Variants in PRKG1 observed in about 807,000 individuals in gnomAD.
The protein encoded by PRKG1 is protein kinase cGMP-dependent 1.
PRKG1 carries 35 observed loss-of-function variants against 88.1 expected under a neutral mutation model. The ratio of observed to expected loss-of-function variants is 0.40; its 90% confidence interval spans 0.30 to 0.53. The LOEUF is 0.53. Among genes scored for constraint, PRKG1 ranks in the 20% least tolerant of loss-of-function variants. The probability of loss-of-function intolerance (pLI) is 0.59; values close to 1 mark genes in which losing one functional copy is unlikely to be tolerated. For missense variants in PRKG1, 540 were observed against 839.8 expected (o/e 0.64, Z 4.41); for synonymous variants, 303 against 292.5 (o/e 1.04, Z -0.37).
At chr10:51,528,911 A>C (rs975267873) in intron 3 of PRKG1, among the ~76,000 whole-genome samples, 1 of 152,140 alleles carries the variant, frequency 6.6e-6, no homozygotes, top group African/African-American at 2.4e-5. Context: ...TTCTCCAAAC[A>C]GGTCATACCT....
intron 5 of PRKG1, among the ~76,000 whole-genome samples, chr10:51,961,255 T>A (rs1903958): frequency 6.6e-6 from 1 of 152,132 alleles, no homozygotes; most frequent in African/African-American, 2.4e-5. Context: ...CCACAGTGGG[T>A]TCTGCTGAAC....
At chr10:51,169,764 T>G (rs1305396002) in intron 2 of PRKG1, among the ~76,000 whole-genome samples, 3 of 147,508 alleles carry the variant, frequency 2.0e-5, no homozygotes, top group Non-Finnish European at 4.5e-5. Context: ...TAAGTAATCT[T>G]GAGGAAATTA....
rs1844181168 is a variant in PRKG1 at position 51,083,937 on chromosome 10, A to G, written c.311+9036A>G. ...ATCATTACCTTCTCAGGTGAGGATC[A>G]GCCAATATAGCACTTTATATAAGCA... is the stretch of plus-strand genomic sequence containing the variant. On this transcript the variant is annotated intron_variant, in intron 1 of 17. Transcript: ENST00000373980. Among the ~76,000 whole-genome samples the G allele has an allele frequency of 2.0e-5, 3 of 152,348 alleles. No individual in the cohort carries two copies. In the South Asian group the frequency reaches 6.2e-4, roughly 32 times the overall value.
intron 7 of PRKG1, among the ~76,000 whole-genome samples, chr10:52,100,191 C>T (rs1847264557): frequency 6.6e-6 from 1 of 152,122 alleles, no homozygotes; most frequent in Non-Finnish European, 1.5e-5. Context: ...AGAGACTGGA[C>T]AGGAATCCCC....
At chr10:51,401,042 C>T (rs187610235) in intron 2 of PRKG1, among the ~76,000 whole-genome samples, 1 of 152,212 alleles carries the variant, frequency 6.6e-6, no homozygotes, top group East Asian at 1.9e-4. Flanking sequence ...ACAGTGCTGC[C>T]AAATACAAGT....
intron 2 of PRKG1, among the ~76,000 whole-genome samples, chr10:51,250,268 A>T (rs1211050168): frequency 6.6e-6 from 1 of 151,932 alleles, no homozygotes; most frequent in African/African-American, 2.4e-5. Context: ...TTTGAGAAAT[A>T]CTAGGAAACA....
At chr10:52,037,298 G>A (rs1845642530) in intron 5 of PRKG1, among the ~76,000 whole-genome samples, 1 of 152,252 alleles carries the variant, frequency 6.6e-6, no homozygotes, top group Non-Finnish European at 1.5e-5. Context: ...GTTCCTGTGT[G>A]CTGGAGATGT....
At chr10:52,017,169 G>A (rs985529428) in intron 5 of PRKG1, among the ~76,000 whole-genome samples, 1 of 152,218 alleles carries the variant, frequency 6.6e-6, no homozygotes, top group Admixed American at 6.5e-5. Context: ...AAGGTAGCAT[G>A]CTAAGTGCTT....
At chr10:51,562,223 C>CAAA (rs35433028) in intron 3 of PRKG1, among the ~76,000 whole-genome samples, 85 of 146,348 alleles carry the variant, frequency 5.8e-4, no homozygotes, top group African/African-American at 1.6e-3. Context: ...GACTCCATCT[C>CAAA]AAAAAAAAAA....
At chr10:51,919,853 T>C (rs1842425827) in intron 5 of PRKG1, among the ~76,000 whole-genome samples, 1 of 152,170 alleles carries the variant, frequency 6.6e-6, no homozygotes. Context: ...TTAACATATA[T>C]CCCAAGTTTC....
intron 2 of PRKG1, among the ~76,000 whole-genome samples, chr10:51,284,675 T>TCAATA (rs1365067688): frequency 1.3e-5 from 2 of 152,110 alleles, no homozygotes; most frequent in African/African-American, 4.8e-5. Flanking sequence ...AAAATACAAA[T>TCAATA]CAATATCTTA....
At chr10:51,061,535 A>G (rs1005324339) in intron 1 of PRKG1, among the ~76,000 whole-genome samples, 1 of 152,142 alleles carries the variant, frequency 6.6e-6, no homozygotes, top group African/African-American at 2.4e-5. Flanking sequence ...GAAAATTCAT[A>G]GTGATTATTT....
At chr10:51,074,363 C>T, upstream of PRKG1, 2 of 1,186,156 alleles carry the variant, frequency 1.7e-6, no homozygotes, top group East Asian at 2.8e-5. Flanking sequence ...GCTCTCCCCG[C>T]TCTGAGCCTC....
At chr10:51,783,554 T>A (rs1010669444) in intron 3 of PRKG1, among the ~76,000 whole-genome samples, 1 of 152,090 alleles carries the variant, frequency 6.6e-6, no homozygotes, top group Non-Finnish European at 1.5e-5. Context: ...ACTGTTGGGA[T>A]TAAAAGTGTG....
At chr10:52,010,842 C>T (rs986205890) in intron 5 of PRKG1, among the ~76,000 whole-genome samples, 1 of 152,150 alleles carries the variant, frequency 6.6e-6, no homozygotes, top group Admixed American at 6.5e-5. Flanking sequence ...CATAAGAGCA[C>T]AGCAATAATG....
At chr10:51,445,903 A>G (rs1839258429) in intron 2 of PRKG1, among the ~76,000 whole-genome samples, 2 of 152,028 alleles carry the variant, frequency 1.3e-5, no homozygotes, top group South Asian at 4.1e-4. Flanking sequence ...ATATCTTCGC[A>G]TTAACCTCTA....
chr10:51,707,391 T>C (rs941775688), intron 3 of PRKG1, among the ~76,000 whole-genome samples: 2 of 152,110 alleles, frequency 1.3e-5, no homozygotes, highest in Non-Finnish European at 2.9e-5. Flanking sequence ...TACTTTTAAG[T>C]GTGCACTGGC....
intron 10 of PRKG1, chr10:52,252,311 A>C (rs1263603511): frequency 6.6e-6 from 1 of 152,162 alleles, no homozygotes; most frequent in Non-Finnish European, 1.5e-5. Context: ...GGTGTAAACA[A>C]TATGAAAACG....
intron 2 of PRKG1, among the ~76,000 whole-genome samples, chr10:51,289,530 T>C (rs188762615): frequency 1.6e-3 from 243 of 152,262 alleles, no homozygotes; most frequent in Middle Eastern, 3.4e-3. Context: ...AAGGAGTATC[T>C]CTGTCCAAAT....
Sources: allele counts gnomAD v4.1 joint callset (sites outside exome capture counted in the v4.1 genomes callset), GRCh38; gene constraint gnomAD v4.1.1; transcripts MANE v1.5; gene names NCBI Gene and HGNC (gene_info 2026-07-23, HGNC 2026-07-21).